CLSPN: variants seen among roughly 807,000 people sequenced by gnomAD.
The protein encoded by CLSPN is claspin homolog.
In CLSPN, 85 loss-of-function variants were observed where a neutral mutation model predicts 156.3. That is an observed-to-expected ratio of 0.54 (90% CI 0.46 to 0.65). CLSPN has a LOEUF of 0.65. Among genes scored for constraint, CLSPN ranks in the 30% least tolerant of loss-of-function variants. The pLI is 0.00. For missense variants in CLSPN, 1,407 were observed against 1,554.9 expected, an observed-to-expected ratio of 0.90 and a Z score of 1.60; for synonymous variants, 534 against 542.4, an observed-to-expected ratio of 0.98 and a Z score of 0.22.
chr1:35,732,353 A>G lies in CLSPN; in HGVS notation c.*4143T>C. ...TAACCCTAGGAGATAAAAACCAAAAACACCCCCTAAAAAGTCTCCCAGCCT... is the reference window on the plus strand; with the variant it reads ...TAACCCTAGGAGATAAAAACCAAAAGCACCCCCTAAAAAGTCTCCCAGCCT... On this transcript the variant is annotated 3_prime_UTR_variant, in exon 25 of 25. Transcript: ENST00000318121. 2.0e-6 allele frequency: 2 copies of G among 985,344 alleles called. No individual in the cohort carries two copies. Among genetic ancestry groups the G allele is most frequent in the Non-Finnish European group, 2.4e-6 (2 of 829,906 alleles). 61.0% of individuals were successfully genotyped at this position (985,344 alleles called of 1,614,324 possible). A position where few individuals can be genotyped will look rare whatever the true frequency, so the allele number is the denominator to read the frequency against.
intron 6 of CLSPN, 106 bp downstream of exon 6, chr1:35,761,892 C>G: frequency 2.8e-6 from 2 of 709,136 alleles, no homozygotes; most frequent in Non-Finnish European, 5.0e-6. Context: ...ATATTATAAC[C>G]TGAGTTCACA....
chr1:35,737,985 AG>A lies in CLSPN; in HGVS notation c.3664+6del. ...GGGCTAGACCCTAAGGAGAAACAAG[AG>A]CTCACCATTCTTCTGCAGTGCTTTG... is the stretch of plus-strand genomic sequence containing the variant. On this transcript the variant is annotated splice_donor_region_variant and intron_variant, in intron 22 of 24. Coordinates refer to ENST00000318121, the MANE Select transcript of CLSPN (RefSeq NM_022111.4). The A allele has an allele frequency of 7.0e-7, 1 of 1,435,682 alleles. No homozygotes were observed. Among genetic ancestry groups the A allele is most frequent in the Non-Finnish European group, 9.3e-7 (1 of 1,071,474 alleles). 88.9% of individuals were successfully genotyped at this position (1,435,682 alleles called of 1,614,324 possible). A position where few individuals can be genotyped will look rare whatever the true frequency, so the allele number is the denominator to read the frequency against.
At chr1:35,769,577 G>A (rs1642794266) in intron 1 of CLSPN, among the ~76,000 whole-genome samples, 1 of 152,232 alleles carries the variant, frequency 6.6e-6, no homozygotes, top group African/African-American at 2.4e-5. Flanking sequence ...CGGCTGAAGA[G>A]GGGCTGGGCT....
In CLSPN at chr1:35,732,421, G is replaced by GCTCT. The variant is rs2148609492; in HGVS notation, c.*4074_*4075insAGAG. ...AAAGTGAGGAGAAGTTTGTAGAGAA[G>GCTCT]CAGTTGAGAAAATGAGGGATGCCAC... On this transcript the variant is annotated 3_prime_UTR_variant, in exon 25 of 25. Coordinates refer to ENST00000318121, the MANE Select transcript of CLSPN (RefSeq NM_022111.4). 1 of 985,410 alleles carries GCTCT rather than the reference G, an allele frequency of 1.0e-6. No individual in the cohort carries two copies. The highest frequency in any genetic ancestry group is 4.7e-5 in the South Asian group (1 of 21,288). 61.0% of individuals were successfully genotyped at this position (985,410 alleles called of 1,614,324 possible).
intron 24 of CLSPN, among the ~76,000 whole-genome samples, chr1:35,722,530 G>A (rs1486293460): frequency 6.6e-6 from 1 of 151,948 alleles, no homozygotes; most frequent in Non-Finnish European, 1.5e-5. Flanking sequence ...GATTTCAGGC[G>A]TGAGCCACCA....
At position 35,755,478 on chromosome 1, in the gene CLSPN, G is replaced by T. The variant is rs185645593; in HGVS notation, c.1580-1542C>A. 3.6e-4 allele frequency among the ~76,000 whole-genome samples: 55 copies of T among 152,018 alleles called. 1 individual carries two copies. Among genetic ancestry groups the T allele is most frequent in the African/African-American group, 1.3e-3 (54 of 41,454 alleles). On this transcript the variant is annotated intron_variant, in intron 8 of 24. Transcript: ENST00000318121. ...AGTAGAGATGGGGTTTCACCATGTTGGCCAGGCTGGTCTTGAACTCCTGAT... is the reference window on the plus strand; with the variant it reads ...AGTAGAGATGGGGTTTCACCATGTTTGCCAGGCTGGTCTTGAACTCCTGAT...
intron 3 of CLSPN, 143 bp from the exon 4 acceptor site, chr1:35,763,464 G>A: frequency 7.6e-6 from 4 of 528,344 alleles, no homozygotes; most frequent in Non-Finnish European, 1.3e-5. Flanking sequence ...CATTCTTACT[G>A]GTTTCTAACT....
At chr1:35,747,525 A>G (rs765394235) in intron 14 of CLSPN, among the ~76,000 whole-genome samples, 128 of 152,300 alleles carry the variant, frequency 8.4e-4, no homozygotes, top group Non-Finnish European at 3.1e-4. Flanking sequence ...AGTGTAAAGG[A>G]TAACTTTTAG....
chr1:35,720,990 A>C, intron 24 of CLSPN: 1 of 1,587,422 alleles, frequency 6.3e-7, no homozygotes, highest in Non-Finnish European at 8.6e-7. Flanking sequence ...TCTGAAACGA[A>C]ATTAAAGGAA....
exon 25 of CLSPN, chr1:35,720,510 C>T (rs1403095957): frequency 6.1e-5 from 8 of 130,184 alleles, no homozygotes; most frequent in South Asian, 2.6e-4. Flanking sequence ...AGTGCAGTGG[C>T]GCAATCTCGG....
At chr1:35,748,710 A>G (rs1211994955) in intron 12 of CLSPN, 106 bp from the exon 13 acceptor site, 4 of 851,570 alleles carry the variant, frequency 4.7e-6, no homozygotes, top group Non-Finnish European at 7.7e-6. Context: ...TCATAGGCAA[A>G]CCCCTCAAGT....
downstream of CLSPN, among the ~76,000 whole-genome samples, chr1:35,727,950 C>T (rs777853144): frequency 2.6e-5 from 4 of 152,148 alleles, no homozygotes; most frequent in Non-Finnish European, 5.9e-5. Flanking sequence ...TGTGTATGAA[C>T]TGGATGGCTT....
rs961590017 is a variant in CLSPN, at chr1:35,746,378, G to T, written c.2854+388C>A. 7.9e-5 allele frequency among the ~76,000 whole-genome samples: 12 copies of T among 151,904 alleles called. No individual in the cohort carries two copies. Among genetic ancestry groups the T allele is most frequent in the African/African-American group, 2.9e-4 (12 of 41,370 alleles). The stretch of plus-strand genomic sequence containing the variant: ...TTTTCTGTGAACTTTTCACCTGAGG[G>T]TAAGGGGCTTCTTTTCTTTCTTTCT... On this transcript the variant is annotated intron_variant, in intron 15 of 24. Transcript: ENST00000318121. The surrounding 1 kb of genome is among the most constrained non-coding windows in gnomAD (Gnocchi z 4.2).
chr1:35,720,987 C>T (rs767200936), intron 24 of CLSPN: 30 of 1,597,458 alleles, frequency 1.9e-5, no homozygotes, highest in African/African-American at 2.7e-5. Flanking sequence ...TCTTCTGAAA[C>T]GAAATTAAAG....
chr1:35,740,981 CT>C (rs1641670748), intron 18 of CLSPN, among the ~76,000 whole-genome samples: 1 of 152,062 alleles, frequency 6.6e-6, no homozygotes, highest in African/African-American at 2.4e-5. Flanking sequence ...CAAAGTGAAT[CT>C]TAATAGAATG....
At position 35,745,439 on chromosome 1, in the gene CLSPN, TC is replaced by T. The variant is rs879176161; in HGVS notation, c.2966+11del. 3.8e-6 allele frequency: 6 copies of T among 1,584,688 alleles called. No individual in the cohort carries two copies. In the Admixed American group the frequency reaches 1.0e-4, roughly 26 times the overall value. ...CCAGGCCTTCCCAAATTCCCAGCAA[TC>T]TGAGACTTACTTGTCTGTGGGAAAA... On this transcript the variant is annotated intron_variant, in intron 16 of 24. Coordinates refer to ENST00000318121, the MANE Select transcript of CLSPN (RefSeq NM_022111.4).
At position 35,751,456 on chromosome 1, in the gene CLSPN, G is replaced by T; in HGVS notation, c.1822C>A (p.Arg608=). Residue 608 remains arginine (R), a synonymous_variant, in exon 10 of 25, where the codon CGA becomes AGA. Transcript: ENST00000318121. ...CGCTTCTGGCGCTCCTCAAACCTTC[G>T]GAGTTTCATTGCTTCTTGCAGTTTA... is the stretch of plus-strand genomic sequence containing the variant. ...KAKLQEAMKL[R]RFEERQKRQA... The T allele has an allele frequency of 6.2e-7, 1 of 1,613,940 alleles. No homozygotes were observed.
At chr1:35,739,678 T>TA in intron 18 of CLSPN, 149 bp from the exon 19 acceptor site, 2 of 592,936 alleles carry the variant, frequency 3.4e-6, no homozygotes, top group East Asian at 5.9e-5. Context: ...AGTCTCCACT[T>TA]ATGATGGTTT....
In CLSPN at chr1:35,765,069, G is replaced by A. The variant is rs186490404; in HGVS notation, c.133+149C>T. On this transcript the variant is annotated intron_variant, in intron 2 of 24. Coordinates refer to ENST00000318121, the MANE Select transcript of CLSPN (RefSeq NM_022111.4). ...ATAACATAGTTTCAAAAAGGTACAA[G>A]CACTGTTATTTTGCTTTTATAATAA... 23 of 603,834 alleles carry A rather than the reference G, an allele frequency of 3.8e-5. No homozygotes were observed. In the Admixed American group the frequency reaches 4.2e-4, roughly 11 times the overall value. 37.4% of individuals were successfully genotyped at this position (603,834 alleles called of 1,614,324 possible).
Sources: gnomAD v4.1 joint callset for allele counts (sites outside exome capture counted in the v4.1 genomes callset) on GRCh38, gnomAD v4.1.1 for gene constraint, Gnocchi (gnomAD v3.1) non-coding constraint, MANE v1.5 for transcripts, NCBI Gene and HGNC (gene_info 2026-07-23, HGNC 2026-07-21) for gene names.